The following KBTBD11 variants were observed in gnomAD, a reference collection of about 807,000 sequenced individuals.
KBTBD11 encodes kelch repeat and BTB domain containing 11, also known as kelch repeat and BTB domain-containing protein 11.
For missense variants in KBTBD11, 1,390 were observed against 1,001.8 expected (o/e 1.39, Z -5.23); for synonymous variants, 747 against 499.0 (o/e 1.50, Z -6.63).
At chr8:1,991,486 G>C (rs1207805093) in intron 1 of KBTBD11, among the ~76,000 whole-genome samples, 1 of 152,258 alleles carries the variant, frequency 6.6e-6, no homozygotes, top group Non-Finnish European at 1.5e-5. Context: ...GTTTTCTGCT[G>C]TGTGCATTGT....
rs979162540 is a variant in KBTBD11 at position 1,981,603 on chromosome 8, A to C, written c.-909+7668A>C. On this transcript the variant is annotated intron_variant, in intron 1 of 1. Coordinates refer to ENST00000320248, the MANE Select transcript of KBTBD11 (RefSeq NM_014867.3). ...CCTGGAAGAGATTGGCATTTGAACC[A>C]GTGTGAGGAAGATTTGCCCTCAGTA... Among the ~76,000 whole-genome samples, 3 of 152,338 alleles carry C rather than the reference A, an allele frequency of 2.0e-5. No individual in the cohort carries two copies. The East Asian group carries it at 5.8e-4, about 29-fold the overall frequency.
At chr8:1,991,539 AGCTCTG>A (rs1816917144) in intron 1 of KBTBD11, among the ~76,000 whole-genome samples, 14 of 151,954 alleles carry the variant, frequency 9.2e-5, no homozygotes, top group African/African-American at 3.4e-4. Flanking sequence ...CCTCGATTCC[AGCTCTG>A]TGATCCATGA....
rs1817404219 is a variant in KBTBD11 at position 2,002,236 on chromosome 8, G to A, written c.1044G>A (p.Pro348=). The A allele has an allele frequency of 3.9e-6, 5 of 1,269,228 alleles. No individual in the cohort carries two copies. The highest frequency in any genetic ancestry group is 5.2e-5 in the South Asian group (2 of 38,730). 78.6% of individuals were successfully genotyped at this position (1,269,228 alleles called of 1,614,324 possible). Residue 348 remains proline (P), a synonymous_variant, in exon 2 of 2, where the codon CCG becomes CCA. Coordinates refer to ENST00000320248, the MANE Select transcript of KBTBD11 (RefSeq NM_014867.3). The surrounding 1 kb of genome is among the most constrained non-coding windows in gnomAD (Gnocchi z 4.1). ...TGACGCGGCTGCCCGAGGGCGCGCC[G>A]GCGCGGGGCTGCGGCCTGTGCGTCC... ...RELTRLPEGA[P]ARGCGLCVLY...
Position 2,001,556 on chromosome 8 carries a change from G to C in KBTBD11, c.364G>C (p.Glu122Gln). 2 of 1,430,212 alleles carry C rather than the reference G, an allele frequency of 1.4e-6. No individual in the cohort carries two copies. The highest frequency in any genetic ancestry group is 1.8e-6 in the Non-Finnish European group (2 of 1,095,056). 88.6% of individuals were successfully genotyped at this position (1,430,212 alleles called of 1,614,324 possible). A position where few individuals can be genotyped will look rare whatever the true frequency, so the allele number is the denominator to read the frequency against. Residue 122 changes from glutamate to glutamine, a missense_variant, in exon 2 of 2, where the codon GAG (glutamate) becomes CAG (glutamine). Physicochemically the swap from Glu to Gln is conservative, Grantham distance 29 (BLOSUM62 2). Transcript: ENST00000320248. ...VWLEDPASPEEPGEPAPVPPG... is the reference protein window; with the variant it reads ...VWLEDPASPEQPGEPAPVPPG... The stretch of plus-strand genomic sequence containing the variant: ...GCTTGAGGACCCCGCGTCCCCCGAG[G>C]AGCCCGGGGAGCCCGCGCCCGTACC...
At position 2,002,930 on chromosome 8, in the gene KBTBD11, G is replaced by GAGGCCGGCGGCGACGCAGGCC. The variant is rs1168421621; in HGVS notation, c.1742_1762dup (p.Ala581_Gln587dup). ...GCGCTTCCAGCCTGCCCGGGAAGGC[G>GAGGCCGGCGGCGACGCAGGCC]AGGCCGGCGGCGACGCAGGCCAGGG... On this transcript the variant is annotated inframe_insertion, in exon 2 of 2. Transcript: ENST00000320248. This position sits in a 1 kb window ranked among gnomAD's most constrained non-coding sequence, Gnocchi z 4.1. 2.3e-6 allele frequency: 3 copies of GAGGCCGGCGGCGACGCAGGCC among 1,321,456 alleles called. No homozygotes were observed. The Admixed American group carries it at 1.2e-4, about 53-fold the overall frequency. The allele number at this position is 1,321,456 out of a possible 1,614,324, so 81.9% of individuals were successfully genotyped here. A position where few individuals can be genotyped will look rare whatever the true frequency, so the allele number is the denominator to read the frequency against.
intron 1 of KBTBD11, among the ~76,000 whole-genome samples, chr8:1,978,509 C>T (rs572430918): frequency 3.9e-5 from 6 of 152,348 alleles, no homozygotes; most frequent in Admixed American, 2.6e-4. Flanking sequence ...TGCAGCGTGG[C>T]AGCCTTGATG....
In KBTBD11 at chr8:2,001,118, G is replaced by A; in HGVS notation, c.-75G>A. ...AAGCTGTGAGGCTGGAAACCCCGGA[G>A]TAAGGCTCGACCTTGGCCAGACCTG... On this transcript the variant is annotated 5_prime_UTR_variant, in exon 2 of 2. Transcript: ENST00000320248. 1.6e-6 allele frequency: 2 copies of A among 1,265,962 alleles called. No individual in the cohort carries two copies. The highest frequency in any genetic ancestry group is 2.0e-6 in the Non-Finnish European group (2 of 1,006,282). 78.4% of individuals were successfully genotyped at this position (1,265,962 alleles called of 1,614,324 possible). A position where few individuals can be genotyped will look rare whatever the true frequency, so the allele number is the denominator to read the frequency against.
rs1817363057 is a variant in KBTBD11, at chr8:2,001,615, C to T, written c.423C>T (p.Asp141=). ...PGFGAVYGEP[D]LVLEVSGRRL... ...TCGGGGCGGTGTACGGGGAGCCGGA[C>T]CTGGTGCTGGAGGTGTCGGGGCGCC... Residue 141 remains aspartate (D), a synonymous_variant, in exon 2 of 2, where the codon GAC becomes GAT. Coordinates refer to ENST00000320248, the MANE Select transcript of KBTBD11 (RefSeq NM_014867.3). 12 of 1,477,448 alleles carry T rather than the reference C, an allele frequency of 8.1e-6. No individual in the cohort carries two copies. Among genetic ancestry groups the T allele is most frequent in the African/African-American group, 2.9e-5 (2 of 68,240 alleles). 91.5% of individuals were successfully genotyped at this position (1,477,448 alleles called of 1,614,324 possible). A position where few individuals can be genotyped will look rare whatever the true frequency, so the allele number is the denominator to read the frequency against.
At chr8:1,993,370 C>G (rs991969432) in intron 1 of KBTBD11, among the ~76,000 whole-genome samples, 1 of 122,982 alleles carries the variant, frequency 8.1e-6, no homozygotes, top group Non-Finnish European at 1.6e-5. Context: ...TCCATCCGTC[C>G]GTCCGTCCGT....
At chr8:1,995,318 G>T (rs893108941) in intron 1 of KBTBD11, among the ~76,000 whole-genome samples, 7 of 152,162 alleles carry the variant, frequency 4.6e-5, no homozygotes, top group Admixed American at 2.0e-4. Context: ...CAGACACTAA[G>T]AGCAGAAGCC....
Position 2,002,371 on chromosome 8 carries a change from C to G in KBTBD11, c.1179C>G (p.Ser393Arg). 8.1e-6 allele frequency: 12 copies of G among 1,476,254 alleles called. No homozygotes were observed. The highest frequency in any genetic ancestry group is 2.3e-5 in the Admixed American group (1 of 43,772). The allele number at this position is 1,476,254 out of a possible 1,614,324, so 91.4% of individuals were successfully genotyped here. The part of the protein sequence containing the change: ...FCYNPATDSW[S>R]AVRPLRQARS... ...ACAACCCGGCCACGGACAGCTGGAG[C>G]GCCGTGAGGCCCCTGCGCCAGGCGC... Residue 393 changes from serine (S) to arginine (R), a missense_variant, in exon 2 of 2, where the codon AGC (serine) becomes AGG (arginine). Transcript: ENST00000320248. This position sits in a 1 kb window ranked among gnomAD's most constrained non-coding sequence, Gnocchi z 4.1.
At chr8:1,990,360 T>C in intron 1 of KBTBD11, among the ~76,000 whole-genome samples, 1 of 143,150 alleles carries the variant, frequency 7.0e-6, no homozygotes, top group Non-Finnish European at 1.5e-5. Flanking sequence ...CTTGGCGCCC[T>C]GTCCGGGTAG....
intron 1 of KBTBD11, among the ~76,000 whole-genome samples, chr8:1,977,075 AT>A (rs1816372117): frequency 6.8e-6 from 1 of 147,964 alleles, no homozygotes; most frequent in Non-Finnish European, 1.5e-5. Context: ...TTCTTAAAAC[AT>A]TATGAGTTTT....
chr8:1,985,926 G>A (rs1816694883), intron 1 of KBTBD11, among the ~76,000 whole-genome samples: 1 of 152,226 alleles, frequency 6.6e-6, no homozygotes, highest in African/African-American at 2.4e-5. Flanking sequence ...AGGTATAATT[G>A]TAGACACATC....
At position 1,974,325 on chromosome 8, in the gene KBTBD11, C is replaced by CAG. The variant is rs1298467939; in HGVS notation, c.-909+390_-909+391insAG. The CAG allele has an allele frequency of 1.3e-5, 13 of 984,154 alleles. No individual in the cohort carries two copies. In the African/African-American group the frequency reaches 1.9e-4, roughly 15 times the overall value. The allele number at this position is 984,154 out of a possible 1,614,324, so 61.0% of individuals were successfully genotyped here. On this transcript the variant is annotated intron_variant, in intron 1 of 1. Coordinates refer to ENST00000320248, the MANE Select transcript of KBTBD11 (RefSeq NM_014867.3). ...GACAATGAGCCGCCCGCGCCGCGCC[C>CAG]GCAGTCACCGCCCCCGCCGAGGGTC...
chr8:1,984,223 A>C (rs988207425), intron 1 of KBTBD11, among the ~76,000 whole-genome samples: 1 of 149,478 alleles, frequency 6.7e-6, no homozygotes, highest in Non-Finnish European at 1.5e-5. Flanking sequence ...GGATCACTTG[A>C]GCCTGGGAGT....
chr8:1,991,617 C>G (rs991357993), intron 1 of KBTBD11, among the ~76,000 whole-genome samples: 1 of 151,400 alleles, frequency 6.6e-6, no homozygotes, highest in Non-Finnish European at 1.5e-5. Context: ...GCTTTGCTCT[C>G]CCCACACCAG....
At chr8:1,999,748 G>C (rs1395337262) in intron 1 of KBTBD11, among the ~76,000 whole-genome samples, 1 of 152,186 alleles carries the variant, frequency 6.6e-6, no homozygotes, top group Non-Finnish European at 1.5e-5. Context: ...GTTGGCTGAA[G>C]CTGATTCCAG....
intron 1 of KBTBD11, chr8:1,974,778 C>T (rs60741236): frequency 0.45 from 371,667 of 834,776 alleles, 84,182 homozygotes; most frequent in East Asian, 0.7. Flanking sequence ...CCCTCCACCT[C>T]TTTAGAGTCC....
Sources: allele counts gnomAD v4.1 joint callset (sites outside exome capture counted in the v4.1 genomes callset), GRCh38; gene constraint gnomAD v4.1.1; non-coding constraint Gnocchi (gnomAD v3.1); transcripts MANE v1.5; gene names NCBI Gene and HGNC (gene_info 2026-07-23, HGNC 2026-07-21).